The following MACROD2 variants were observed in gnomAD, a reference collection of about 807,000 sequenced individuals.
MACROD2 encodes the protein ADP-ribose glycohydrolase MACROD2.
MACROD2 carries 36 observed loss-of-function variants against 70.4 expected under a neutral mutation model. The observed-to-expected ratio is 0.51, with a 90% CI of 0.39 to 0.68. MACROD2 has a LOEUF of 0.68. Ranked by LOEUF, MACROD2 falls within the 30% of genes least tolerant of loss-of-function variation. The pLI is 0.00. For missense variants in MACROD2, 496 were observed against 538.4 expected (o/e 0.92, Z 0.78); for synonymous variants, 172 against 178.8 (o/e 0.96, Z 0.30).
chr20:14,547,337 C>A (rs2085502149), intron 4 of MACROD2: 1 of 237,810 alleles, frequency 4.2e-6, no homozygotes, highest in South Asian at 7.9e-5. Flanking sequence ...TAAACAAAGT[C>A]CATCATACAG....
chr20:15,320,475 C>T (rs920705963), intron 6 of MACROD2, among the ~76,000 whole-genome samples: 10 of 152,152 alleles, frequency 6.6e-5, no homozygotes, highest in African/African-American at 2.4e-4. Flanking sequence ...TTCTGTTTAC[C>T]AGACTACTTG....
intron 6 of MACROD2, among the ~76,000 whole-genome samples, chr20:15,323,087 T>TCC (rs1454831060): frequency 1.4e-4 from 15 of 103,988 alleles, no homozygotes; most frequent in Admixed American, 2.8e-4. Flanking sequence ...ATGTTGACAT[T>TCC]CTGCCATTCT....
At chr20:15,195,423 A>G (rs2076599264) in intron 5 of MACROD2, among the ~76,000 whole-genome samples, 2 of 152,344 alleles carry the variant, frequency 1.3e-5, no homozygotes, top group South Asian at 4.1e-4. Context: ...TGGGCAAAGG[A>G]CATGAACAGA....
intron 4 of MACROD2, among the ~76,000 whole-genome samples, chr20:14,580,332 C>T (rs1034982088): frequency 1.3e-5 from 2 of 151,974 alleles, no homozygotes; most frequent in African/African-American, 2.4e-5. Flanking sequence ...ACTGAAAATC[C>T]GTACAGACTT....
At chr20:14,757,484 A>T in intron 5 of MACROD2, 1 of 528,470 alleles carries the variant, frequency 1.9e-6, no homozygotes, top group Non-Finnish European at 3.4e-6. Flanking sequence ...TTAGGTAGGC[A>T]TTAAAGAAAA....
chr20:15,971,677 A>G (rs1297488429), intron 13 of MACROD2, among the ~76,000 whole-genome samples: 4 of 152,186 alleles, frequency 2.6e-5, no homozygotes, highest in African/African-American at 9.7e-5. Context: ...CACCTATGGC[A>G]CCATGTGGGA....
chr20:14,954,674 T>C (rs2074505722), intron 5 of MACROD2, among the ~76,000 whole-genome samples: 1 of 92,000 alleles, frequency 1.1e-5, no homozygotes, highest in Non-Finnish European at 2.2e-5. Context: ...ATACATATAA[T>C]ATATTTATAT....
At chr20:15,490,361 C>A (rs2047217178) in intron 7 of MACROD2, among the ~76,000 whole-genome samples, 2 of 151,798 alleles carry the variant, frequency 1.3e-5, no homozygotes, top group African/African-American at 4.8e-5. Flanking sequence ...AATTCCTAGT[C>A]TCAAGCAATC....
chr20:14,788,580 CAAAA>C (rs11477973), intron 5 of MACROD2, among the ~76,000 whole-genome samples: 2 of 73,268 alleles, frequency 2.7e-5, no homozygotes, highest in African/African-American at 5.6e-5. Flanking sequence ...GATCACATCT[CAAAA>C]AAAAAAAAAA....
intron 3 of MACROD2, among the ~76,000 whole-genome samples, chr20:14,405,280 G>A (rs775808793): frequency 2.9e-4 from 12 of 40,806 alleles, no homozygotes; most frequent in Non-Finnish European, 5.2e-4. Flanking sequence ...TTATTTAGTA[G>A]GAAGACTTAA....
At chr20:14,061,812 G>C (rs1451475108) in intron 2 of MACROD2, among the ~76,000 whole-genome samples, 1 of 152,142 alleles carries the variant, frequency 6.6e-6, no homozygotes, top group African/African-American at 2.4e-5. Context: ...CTTACTTTCT[G>C]TGAATATGTG....
At chr20:14,335,884 G>A (rs1041350520) in intron 3 of MACROD2, among the ~76,000 whole-genome samples, 10 of 152,088 alleles carry the variant, frequency 6.6e-5, no homozygotes, top group Admixed American at 1.3e-4. Context: ...ATATATATGT[G>A]TCCAAACTAA....
intron 5 of MACROD2, among the ~76,000 whole-genome samples, chr20:14,959,780 A>G (rs910552198): frequency 6.6e-6 from 1 of 152,162 alleles, no homozygotes; most frequent in Non-Finnish European, 1.5e-5. Context: ...TTTTGGCAGG[A>G]TGGCTGACTA....
At chr20:14,875,197 A>T (rs1343499379) in intron 5 of MACROD2, among the ~76,000 whole-genome samples, 3 of 151,982 alleles carry the variant, frequency 2.0e-5, no homozygotes, top group Non-Finnish European at 2.9e-5. Flanking sequence ...CCTAGCCAAC[A>T]TAGTGAAACC....
rs6105285 is a variant in MACROD2 at position 14,544,136 on chromosome 20, C to T, written c.301+50628C>T. Among the ~76,000 whole-genome samples the T allele has an allele frequency of 4.3e-3, 650 of 152,150 alleles. 2 individuals are homozygous for T. Among genetic ancestry groups the T allele is most frequent in the African/African-American group, 0.015 (613 of 41,490 alleles). ...GGAATGTTCCATGTTGATATACTATCCACTTTCTGATGACTCTTTTCGAAA... is the reference window on the plus strand; with the variant it reads ...GGAATGTTCCATGTTGATATACTATTCACTTTCTGATGACTCTTTTCGAAA... On this transcript the variant is annotated intron_variant, in intron 4 of 17. Coordinates refer to ENST00000684519, the MANE Select transcript of MACROD2 (RefSeq NM_001351661.2).
intron 5 of MACROD2, among the ~76,000 whole-genome samples, chr20:14,838,404 C>T (rs913341528): frequency 2.0e-5 from 3 of 152,036 alleles, no homozygotes; most frequent in Admixed American, 6.6e-5. Context: ...TCAGACTAAT[C>T]TGAGTGGATT....
intron 10 of MACROD2, among the ~76,000 whole-genome samples, chr20:15,886,054 G>C (rs1450782698): frequency 1.3e-5 from 2 of 152,112 alleles, no homozygotes; most frequent in African/African-American, 4.8e-5. Context: ...TGATGTTGTG[G>C]TTAATACAGT....
chr20:14,423,171 G>T (rs983018276), intron 3 of MACROD2, among the ~76,000 whole-genome samples: 1 of 152,206 alleles, frequency 6.6e-6, no homozygotes, highest in Non-Finnish European at 1.5e-5. Flanking sequence ...TCCCGACCAA[G>T]ACCACTGTCA....
intron 8 of MACROD2, among the ~76,000 whole-genome samples, chr20:15,500,119 T>A (rs1423068141): frequency 6.6e-6 from 1 of 152,192 alleles, no homozygotes; most frequent in Non-Finnish European, 1.5e-5. Context: ...ATGGGTTATA[T>A]GTGTGAAAAA....
Sources: gnomAD v4.1 joint callset for allele counts (sites outside exome capture counted in the v4.1 genomes callset) on GRCh38, gnomAD v4.1.1 for gene constraint, MANE v1.5 for transcripts, NCBI Gene and HGNC (gene_info 2026-07-23, HGNC 2026-07-21) for gene names.